ABCB10: variants seen among roughly 807,000 people sequenced by gnomAD.
ABCB10 encodes the protein ATP binding cassette subfamily B member 10.
A neutral mutation model predicts 65.4 loss-of-function variants in ABCB10; 54 were observed. That is an observed-to-expected ratio of 0.83 (90% CI 0.66 to 1.04). The LOEUF is 1.04. Among genes scored for constraint, ABCB10 ranks in the 50% least tolerant of loss-of-function variants. The pLI is 0.00. For synonymous variants in ABCB10, 418 were observed against 406.5 expected (o/e 1.03, Z -0.34); for missense variants, 846 against 976.6 (o/e 0.87, Z 1.78).
chr1:229,548,789 A>C (rs1480111199), intron 2 of ABCB10, among the ~76,000 whole-genome samples: 2 of 150,924 alleles, frequency 1.3e-5, no homozygotes, highest in African/African-American at 4.9e-5. Flanking sequence ...CAGCCTCCTG[A>C]GTAGCTGAGA....
At chr1:229,525,800 T>C in intron 10 of ABCB10, 136 bp downstream of exon 10, 1 of 1,049,850 alleles carries the variant, frequency 9.5e-7, no homozygotes, top group Non-Finnish European at 1.4e-6. Flanking sequence ...CCACTGCCAC[T>C]GCACTCCAGC....
chr1:229,521,684 G>T, intron 10 of ABCB10, 49 bp from the exon 11 acceptor site: 1 of 1,598,632 alleles, frequency 6.3e-7, no homozygotes, highest in Non-Finnish European at 8.5e-7. Flanking sequence ...AAAAATCTTA[G>T]TAATAGGCTT....
At chr1:229,539,619 A>G in intron 5 of ABCB10, 28 bp from the exon 6 acceptor site, 1 of 1,604,132 alleles carries the variant, frequency 6.2e-7, no homozygotes. Context: ...CACAGAAGTC[A>G]GGTGGGAATC....
At chr1:229,519,776 G>C (rs1023131506) in intron 11 of ABCB10, among the ~76,000 whole-genome samples, 1 of 151,904 alleles carries the variant, frequency 6.6e-6, no homozygotes, top group African/African-American at 2.4e-5. Context: ...GCGACAGAGT[G>C]AGACTCTGTC....
intron 1 of ABCB10, among the ~76,000 whole-genome samples, chr1:229,553,123 CT>C (rs113418910): frequency 4.8e-4 from 70 of 146,178 alleles, no homozygotes; most frequent in East Asian, 6.0e-4. Context: ...GCCAGATTTG[CT>C]TTTTTTTTTT....
At chr1:229,540,552 C>T (rs1662818617) in intron 5 of ABCB10, 54 bp downstream of exon 5, 1 of 1,534,734 alleles carries the variant, frequency 6.5e-7, no homozygotes, top group African/African-American at 1.4e-5. Context: ...CAGAATAAAA[C>T]TCTCACCATT....
chr1:229,529,295 C>CAAAAAAAAAAAAAAAAAAAAAAAAAAAA (rs59264291), intron 8 of ABCB10, among the ~76,000 whole-genome samples: 1 of 23,120 alleles, frequency 4.3e-5, no homozygotes, highest in African/African-American at 1.6e-4. Context: ...GACTCCGTCT[C>CAAAAAAAAAAAAAAAAAAAAAAAAAAAA]AAAAAAAAAA....
intron 8 of ABCB10, among the ~76,000 whole-genome samples, chr1:229,528,513 T>C (rs1382625481): frequency 6.6e-6 from 1 of 151,986 alleles, no homozygotes; most frequent in Non-Finnish European, 1.5e-5. Flanking sequence ...GAATGGTGAA[T>C]CAAGAAAGTG....
intron 1 of ABCB10, among the ~76,000 whole-genome samples, chr1:229,555,129 C>T (rs376238393): frequency 2.6e-5 from 4 of 152,164 alleles, no homozygotes; most frequent in African/African-American, 4.8e-5. Context: ...CCCACCCCGC[C>T]GAAGCCCCCC....
At chr1:229,547,405 C>T (rs1662994953) in intron 3 of ABCB10, 94 bp downstream of exon 3, 1 of 1,441,912 alleles carries the variant, frequency 6.9e-7, no homozygotes, top group Non-Finnish European at 9.5e-7. Flanking sequence ...CAGAATGATG[C>T]GAACCGCTCA....
At chr1:229,525,789 G>A in intron 10 of ABCB10, 147 bp downstream of exon 10, 6 of 911,154 alleles carry the variant, frequency 6.6e-6, no homozygotes, top group Middle Eastern at 3.6e-4. Flanking sequence ...CCGAGATTGC[G>A]CCACTGCCAC....
At position 229,525,927 on chromosome 1, in the gene ABCB10, G is replaced by A; in HGVS notation, c.1906+9C>T. 6.2e-7 allele frequency: 1 copy of A among 1,603,706 alleles called. No homozygotes were observed. The highest frequency in any genetic ancestry group is 1.7e-4 in the Middle Eastern group (1 of 6,014). On this transcript the variant is annotated intron_variant, in intron 10 of 12. Transcript: ENST00000344517. ...AGAGACTTTGCTACAAAGCAGTAAA[G>A]AAATGCACCTGAGAGGAGAACACCC...
chr1:229,532,597 A>G (rs916107151), intron 6 of ABCB10, among the ~76,000 whole-genome samples: 8 of 151,112 alleles, frequency 5.3e-5, no homozygotes, highest in Non-Finnish European at 8.8e-5. Flanking sequence ...AAAAAAAAAA[A>G]GGGCCAGGCA....
rs1322760803 is a variant in ABCB10 at position 229,549,430 on chromosome 1, C to T, written c.522G>A (p.Ala174=). 6.2e-6 allele frequency: 10 copies of T among 1,613,054 alleles called. No individual in the cohort carries two copies. Among genetic ancestry groups the T allele is most frequent in the Admixed American group, 1.7e-5 (1 of 59,800 alleles). ...AYPERRRLAA[A]VGFLTMSSVI... is the part of the protein sequence containing the mutation. ...CACTGGACATCGTGAGAAATCCAAC[C>T]GCAGCTAGAAAACACAAGCACTCTC... The change falls in exon 2 of 13, where the codon GCG becomes GCA. Residue 174 remains alanine, a synonymous_variant. Transcript: ENST00000344517.
chr1:229,551,060 T>A (rs1224833087), intron 1 of ABCB10, among the ~76,000 whole-genome samples: 1 of 152,176 alleles, frequency 6.6e-6, no homozygotes, highest in African/African-American at 2.4e-5. Context: ...ATTGTGGGCA[T>A]GAGCCACTGC....
At chr1:229,521,873 C>G (rs1280232610) in intron 10 of ABCB10, among the ~76,000 whole-genome samples, 1 of 152,066 alleles carries the variant, frequency 6.6e-6, no homozygotes, top group African/African-American at 2.4e-5. Context: ...ATTTTCTTTT[C>G]TTTCTGTTTT....
chr1:229,532,968 CTCTT>C (rs1233853939), intron 6 of ABCB10, among the ~76,000 whole-genome samples: 1 of 152,052 alleles, frequency 6.6e-6, no homozygotes, highest in East Asian at 1.9e-4. Context: ...TTCCAGCAAT[CTCTT>C]TATTTTTATT....
intron 6 of ABCB10, 106 bp downstream of exon 6, chr1:229,539,348 CTT>C: frequency 6.8e-7 from 1 of 1,478,908 alleles, no homozygotes; most frequent in Middle Eastern, 1.7e-4. Flanking sequence ...CTAGGAAATG[CTT>C]TTTCAGTGGA....
chr1:229,532,930 C>T (rs1207872852), intron 6 of ABCB10, among the ~76,000 whole-genome samples: 2 of 152,154 alleles, frequency 1.3e-5, no homozygotes, highest in African/African-American at 4.8e-5. Context: ...GTAGTAAAAA[C>T]TGAAATAAAT....
Sources: allele counts gnomAD v4.1 joint callset (sites outside exome capture counted in the v4.1 genomes callset), GRCh38; gene constraint gnomAD v4.1.1; transcripts MANE v1.5; gene names NCBI Gene and HGNC (gene_info 2026-07-23, HGNC 2026-07-21).